GRID2: variants seen among roughly 807,000 people sequenced by gnomAD.
GRID2 encodes the protein glutamate receptor ionotropic, delta-2.
Under a neutral mutation model 114.8 loss-of-function variants are expected in GRID2, and 33 were observed. The observed-to-expected ratio is 0.29, with a 90% CI of 0.22 to 0.38. The LOEUF is 0.38. GRID2 is among the 10% of genes least tolerant of loss of function. GRID2 has a pLI of 1.00. For synonymous variants in GRID2, 505 were observed against 449.9 expected (o/e 1.12, Z -1.55); for missense variants, 1,184 against 1,257.7 (o/e 0.94, Z 0.89).
At chr4:93,026,598 A>C (rs1723904545) in intron 2 of GRID2, among the ~76,000 whole-genome samples, 1 of 151,870 alleles carries the variant, frequency 6.6e-6, no homozygotes, top group Non-Finnish European at 1.5e-5. Context: ...AAATAGAATC[A>C]TGTAGAAGAG....
intron 1 of GRID2, among the ~76,000 whole-genome samples, chr4:92,525,564 C>T (rs1725002637): frequency 6.6e-6 from 1 of 152,050 alleles, no homozygotes; most frequent in East Asian, 1.9e-4. Context: ...GAGATTTATA[C>T]TTGAATCTAG....
chr4:92,497,421 T>A (rs1346900164), intron 1 of GRID2, among the ~76,000 whole-genome samples: 1 of 151,824 alleles, frequency 6.6e-6, no homozygotes, highest in Non-Finnish European at 1.5e-5. Context: ...CTAGATGTTG[T>A]TCAACACCAG....
chr4:92,885,854 T>C (rs929767667), intron 2 of GRID2, among the ~76,000 whole-genome samples: 1 of 152,206 alleles, frequency 6.6e-6, no homozygotes, highest in African/African-American at 2.4e-5. Context: ...GGTGGCTGTA[T>C]TGCTCTTTGT....
At chr4:93,759,696 A>T (rs1198924527) in intron 14 of GRID2, among the ~76,000 whole-genome samples, 1 of 152,224 alleles carries the variant, frequency 6.6e-6, no homozygotes, top group South Asian at 2.1e-4. Flanking sequence ...GTGCCCCATG[A>T]TAATGAATTC....
intron 2 of GRID2, among the ~76,000 whole-genome samples, chr4:92,881,965 A>G (rs1746053205): frequency 1.3e-5 from 2 of 152,194 alleles, no homozygotes; most frequent in Non-Finnish European, 2.9e-5. Flanking sequence ...TTAATTTTCT[A>G]TACCTTTCAA....
At chr4:93,297,816 T>C (rs1433652) in intron 8 of GRID2, among the ~76,000 whole-genome samples, 8,199 of 152,220 alleles carry the variant, frequency 0.054, 734 homozygotes, top group African/African-American at 0.19. Context: ...TCTCTTTCAC[T>C]TGACCAATTT....
At chr4:93,272,192 T>C (rs1751535835) in intron 8 of GRID2, among the ~76,000 whole-genome samples, 1 of 152,192 alleles carries the variant, frequency 6.6e-6, no homozygotes, top group Non-Finnish European at 1.5e-5. Flanking sequence ...TTGATAGGAA[T>C]TCATTAGGGA....
chr4:93,697,138 G>C (rs550268700), intron 14 of GRID2, among the ~76,000 whole-genome samples: 1 of 152,236 alleles, frequency 6.6e-6, no homozygotes, highest in East Asian at 1.9e-4. Flanking sequence ...TGGGTTTCTG[G>C]AATTTAGAGA....
chr4:93,511,397 A>G (rs1292114907), intron 12 of GRID2, among the ~76,000 whole-genome samples: 3 of 152,128 alleles, frequency 2.0e-5, no homozygotes, highest in Non-Finnish European at 4.4e-5. Flanking sequence ...ACTAAATATA[A>G]CTTACTCGTA....
At chr4:92,608,855 G>A (rs1729583723) in intron 2 of GRID2, among the ~76,000 whole-genome samples, 1 of 151,684 alleles carries the variant, frequency 6.6e-6, no homozygotes, top group Non-Finnish European at 1.5e-5. Context: ...GTAAAAATTG[G>A]CCACTTTGTT....
chr4:93,074,302 T>G (rs1379403275), intron 2 of GRID2, among the ~76,000 whole-genome samples: 2 of 152,146 alleles, frequency 1.3e-5, no homozygotes, highest in Non-Finnish European at 2.9e-5. Flanking sequence ...CAGCAATATG[T>G]CTAAAATTAT....
At chr4:93,420,951 C>T (rs926456548) in intron 9 of GRID2, among the ~76,000 whole-genome samples, 3 of 152,156 alleles carry the variant, frequency 2.0e-5, no homozygotes, top group African/African-American at 7.2e-5. Flanking sequence ...GACGGGGTTT[C>T]ACCATGTTAG....
At chr4:92,396,652 C>T (rs1314293451) in intron 1 of GRID2, among the ~76,000 whole-genome samples, 1 of 151,964 alleles carries the variant, frequency 6.6e-6, no homozygotes, top group East Asian at 1.9e-4. Flanking sequence ...TAAATGCCAA[C>T]AGGTGTATAA....
chr4:93,533,289 CCTTCCTTCCTT>C (rs2149516545), intron 13 of GRID2, among the ~76,000 whole-genome samples: 1 of 136,740 alleles, frequency 7.3e-6, no homozygotes, highest in African/African-American at 3.0e-5. Context: ...TTCCTTCCTT[CCTTCCTTCCTT>C]CCTTCCTTCC....
intron 14 of GRID2, among the ~76,000 whole-genome samples, chr4:93,660,991 G>A (rs1421341036): frequency 5.9e-5 from 9 of 152,034 alleles, no homozygotes; most frequent in South Asian, 4.1e-4. Context: ...AACTGACCTC[G>A]CACCTGAAGA....
chr4:93,019,177 T>A (rs2149243324), intron 2 of GRID2, among the ~76,000 whole-genome samples: 1 of 152,324 alleles, frequency 6.6e-6, no homozygotes, highest in East Asian at 1.9e-4. Flanking sequence ...ATATTTCATT[T>A]ATAAATTATG....
chr4:92,836,487 T>C (rs1035347597), intron 2 of GRID2, among the ~76,000 whole-genome samples: 3 of 152,060 alleles, frequency 2.0e-5, no homozygotes, highest in Non-Finnish European at 4.4e-5. Flanking sequence ...ACTTGGATGG[T>C]ACATGGCAAA....
chr4:93,297,615 C>G (rs966969833), intron 8 of GRID2, among the ~76,000 whole-genome samples: 1 of 152,048 alleles, frequency 6.6e-6, no homozygotes, highest in African/African-American at 2.4e-5. Context: ...TATCTATCTA[C>G]TCATCTGGAA....
intron 11 of GRID2, among the ~76,000 whole-genome samples, chr4:93,466,083 G>C (rs770617417): frequency 1.3e-4 from 19 of 151,978 alleles, no homozygotes; most frequent in Non-Finnish European, 2.5e-4. Context: ...GTACACTTAG[G>C]GTTTTGTTTT....
Sources: allele counts gnomAD v4.1 joint callset (sites outside exome capture counted in the v4.1 genomes callset), GRCh38; gene constraint gnomAD v4.1.1; transcripts MANE v1.5; gene names NCBI Gene and HGNC (gene_info 2026-07-23, HGNC 2026-07-21).